Variants in FAT4 observed in about 807,000 individuals in gnomAD.
The protein encoded by FAT4 is FAT atypical cadherin 4.
FAT4 carries 84 observed loss-of-function variants against 303.9 expected under a neutral mutation model. That is an observed-to-expected ratio of 0.28 (90% confidence interval 0.23 to 0.33). The LOEUF is 0.33. FAT4 is among the 10% of genes least tolerant of loss of function. FAT4 has a pLI of 1.00. For missense variants in FAT4, 6,005 were observed against 6,146.8 expected, an observed-to-expected ratio of 0.98 and a Z score of 0.77; for synonymous variants, 2,307 against 2,298.8, an observed-to-expected ratio of 1.00 and a Z score of -0.10.
chr4:125,449,595 T>C lies in FAT4; in HGVS notation c.8585T>C (p.Ile2862Thr). Residue 2862 changes from isoleucine to threonine, a missense_variant, in exon 10 of 18, where the codon ATA becomes ACA. Ile to Thr is a moderately conservative substitution (Grantham distance 89). Transcript: ENST00000394329. ...SGWTVSTDVTIFVTDINDNAP... is the reference protein window; with the variant it reads ...SGWTVSTDVTTFVTDINDNAP... The stretch of plus-strand genomic sequence containing the variant: ...TGGACTGTAAGTACAGATGTCACAA[T>C]ATTTGTGACAGACATCAATGACAAT... 2 of 1,613,690 alleles carry C rather than the reference T, an allele frequency of 1.2e-6. No individual in the cohort carries two copies. Among genetic ancestry groups the C allele is most frequent in the Non-Finnish European group, 1.7e-6 (2 of 1,179,746 alleles).
intron 7 of FAT4, among the ~76,000 whole-genome samples, chr4:125,422,598 G>A (rs1724942358): frequency 6.6e-6 from 1 of 152,146 alleles, no homozygotes; most frequent in African/African-American, 2.4e-5. Context: ...AGTTTCTTGA[G>A]GCCTTCCCAG....
intron 8 of FAT4, among the ~76,000 whole-genome samples, chr4:125,437,379 G>T (rs1338083671): frequency 6.6e-6 from 1 of 152,018 alleles, no homozygotes; most frequent in Non-Finnish European, 1.5e-5. Flanking sequence ...AGAGACAACA[G>T]AGGAAATGCA....
At chr4:125,454,247 T>C (rs1280622023) in intron 10 of FAT4, among the ~76,000 whole-genome samples, 1 of 152,240 alleles carries the variant, frequency 6.6e-6, no homozygotes, top group Non-Finnish European at 1.5e-5. Context: ...TACTGATGGT[T>C]TTATATTTGG....
chr4:125,395,994 G>C (rs1734154292), intron 2 of FAT4, among the ~76,000 whole-genome samples: 1 of 152,156 alleles, frequency 6.6e-6, no homozygotes, highest in Non-Finnish European at 1.5e-5. Context: ...TTAATAGTTA[G>C]TTAGTTCTTA....
chr4:125,331,178 C>T (rs1268447453), intron 2 of FAT4, among the ~76,000 whole-genome samples: 1 of 152,126 alleles, frequency 6.6e-6, no homozygotes, highest in Non-Finnish European at 1.5e-5. Flanking sequence ...TGTGCCTTCC[C>T]TTTAGAATAT....
chr4:125,377,981 C>T (rs1030364254), intron 2 of FAT4, among the ~76,000 whole-genome samples: 1 of 151,984 alleles, frequency 6.6e-6, no homozygotes, highest in Non-Finnish European at 1.5e-5. Context: ...AACTATTGCA[C>T]GTATGCCCAG....
In FAT4 at chr4:125,441,060, C is replaced by A. The variant is rs1420089853; in HGVS notation, c.7200-5233C>A. On this transcript the variant is annotated intron_variant, in intron 8 of 17. Transcript: ENST00000394329. ...TATTATAATAAGAATTAACTCACTT[C>A]CACGCCTCTAGTTTCTAATCCTTCC... Among the ~76,000 whole-genome samples the A allele has an allele frequency of 7.2e-5, 11 of 152,102 alleles. 1 individual carries two copies. Among genetic ancestry groups the A allele is most frequent in the Admixed American group, 3.3e-4 (5 of 15,264 alleles).
Position 125,321,471 on chromosome 4 carries a change from C to T in FAT4, c.5060C>T (p.Thr1687Ile). 1 of 1,614,120 alleles carries T rather than the reference C, an allele frequency of 6.2e-7. No homozygotes were observed. Among genetic ancestry groups the T allele is most frequent in the African/African-American group, 1.3e-5 (1 of 75,030 alleles). Residue 1687 changes from threonine (T) to isoleucine (I), a missense_variant, in exon 2 of 18, where the codon ACT becomes ATT. By Grantham distance (89) the Thr-to-Ile change is moderately conservative (BLOSUM62 -1). Coordinates refer to ENST00000394329, the MANE Select transcript of FAT4 (RefSeq NM_001291303.3). ...VGRLFTIGRHTGIIQTAAILD... is the reference protein window; with the variant it reads ...VGRLFTIGRHIGIIQTAAILD... ...CGCCTCTTTACTATTGGACGACATA[C>T]TGGTATAATTCAGACCGCAGCCATT...
At chr4:125,471,517 A>G (rs1473845759) in intron 12 of FAT4, among the ~76,000 whole-genome samples, 2 of 152,226 alleles carry the variant, frequency 1.3e-5, no homozygotes, top group African/African-American at 2.4e-5. Context: ...TGTGTTTATT[A>G]AATAAATACT....
intron 16 of FAT4, among the ~76,000 whole-genome samples, chr4:125,482,256 A>G (rs1164777321): frequency 6.6e-6 from 1 of 152,212 alleles, no homozygotes; most frequent in African/African-American, 2.4e-5. Context: ...TGTGGAGTAA[A>G]GTATATTTGG....
intron 11 of FAT4, 94 bp from the exon 12 acceptor site, chr4:125,468,418 T>A: frequency 1.1e-6 from 1 of 903,744 alleles, no homozygotes; most frequent in South Asian, 3.9e-5. Flanking sequence ...TGTTAAAAGA[T>A]ATCTCATTTT....
intron 2 of FAT4, among the ~76,000 whole-genome samples, chr4:125,339,186 C>T (rs1475707961): frequency 6.6e-6 from 1 of 151,764 alleles, no homozygotes; most frequent in African/African-American, 2.4e-5. Flanking sequence ...TTTTTTGAGA[C>T]GGAGTCTTGC....
chr4:125,329,742 A>G (rs942705640), intron 2 of FAT4, among the ~76,000 whole-genome samples: 2 of 152,162 alleles, frequency 1.3e-5, no homozygotes, highest in African/African-American at 4.8e-5. Context: ...TTTAAATCTG[A>G]GCTGCTGATA....
Position 125,450,975 on chromosome 4 carries a change from T to C in FAT4, c.9965T>C (p.Val3322Ala), listed in dbSNP as rs1447816596. Residue 3322 changes from valine (V) to alanine (A), a missense_variant, in exon 10 of 18, where the codon GTG (valine) becomes GCG (alanine). By Grantham distance (64) the Val-to-Ala change is moderately conservative. Transcript: ENST00000394329. ...AAPKGTIVGE[V>A]FASDRDLGTD... ...CCTAAAGGTACTATTGTTGGAGAAG[T>C]GTTTGCTAGCGACCGTGATTTGGGC... The C allele has an allele frequency of 1.9e-6, 3 of 1,613,984 alleles. No homozygotes were observed. The highest frequency in any genetic ancestry group is 2.2e-5 in the East Asian group (1 of 44,876).
intron 10 of FAT4, among the ~76,000 whole-genome samples, chr4:125,453,674 C>G (rs2126063339): frequency 6.6e-6 from 1 of 151,060 alleles, no homozygotes; most frequent in African/African-American, 2.4e-5. Context: ...TCACTGCACT[C>G]CAGCCTGGCA....
In FAT4 at chr4:125,481,536, C is replaced by T. The variant is rs761167727; in HGVS notation, c.12620C>T (p.Thr4207Ile). 1 of 1,613,744 alleles carries T rather than the reference C, an allele frequency of 6.2e-7. No individual in the cohort carries two copies. Among genetic ancestry groups the T allele is most frequent in the South Asian group, 1.1e-5 (1 of 91,072 alleles). ...TGACTTCCAGCTGTTACTCCTGACA[C>T]TGCCTTATCATTAGAAGGCAAAGGG... ...KYCEKSVTPD[T>I]ALSLEGKGRL... The change falls in exon 16 of 18, where the codon ACT becomes ATT. Residue 4207 changes from threonine (T) to isoleucine (I), a missense_variant. By Grantham distance (89) the Thr-to-Ile change is moderately conservative (BLOSUM62 -1). Transcript: ENST00000394329.
intron 2 of FAT4, among the ~76,000 whole-genome samples, chr4:125,342,139 A>C (rs1731823438): frequency 6.6e-6 from 1 of 151,972 alleles, no homozygotes; most frequent in East Asian, 1.9e-4. Flanking sequence ...TAAATGCATA[A>C]GTTTATGATT....
Position 125,448,512 on chromosome 4 carries a change from C to A in FAT4, c.7502C>A (p.Ser2501Tyr), listed in dbSNP as rs774408357. The A allele has an allele frequency of 6.2e-7, 1 of 1,613,220 alleles. No homozygotes were observed. Among genetic ancestry groups the A allele is most frequent in the Admixed American group, 1.7e-5 (1 of 59,918 alleles). Residue 2501 changes from serine (S) to tyrosine (Y), a missense_variant, in exon 10 of 18, where the codon TCT (serine) becomes TAT (tyrosine). By Grantham distance (144) the Ser-to-Tyr change is moderately radical. Transcript: ENST00000394329. ...ACAGATGCTGATATTGGACCAAATT[C>A]TGAACTGCATTATTCTCTTTCGGGT... is the stretch of plus-strand genomic sequence containing the variant. ...TVTDADIGPN[S>Y]ELHYSLSGRN...
intron 10 of FAT4, among the ~76,000 whole-genome samples, chr4:125,457,935 A>G (rs1726341925): frequency 6.6e-6 from 1 of 152,096 alleles, no homozygotes; most frequent in Non-Finnish European, 1.5e-5. Flanking sequence ...AAGTACAGTA[A>G]TAGTAACCAC....
Sources: gnomAD v4.1 joint callset for allele counts (sites outside exome capture counted in the v4.1 genomes callset) on GRCh38, gnomAD v4.1.1 for gene constraint, MANE v1.5 for transcripts, NCBI Gene and HGNC (gene_info 2026-07-23, HGNC 2026-07-21) for gene names.